Variants in SCN4A observed in about 807,000 individuals in gnomAD.
SCN4A encodes the protein sodium voltage-gated channel alpha subunit 4.
Under a neutral mutation model 162.0 loss-of-function variants are expected in SCN4A, and 83 were observed. The ratio of observed to expected loss-of-function variants is 0.51; its 90% CI spans 0.43 to 0.61. SCN4A has a LOEUF of 0.61. Ranked by LOEUF, SCN4A falls within the 20% of genes least tolerant of loss-of-function variation. SCN4A has a pLI of 0.00. For missense variants in SCN4A, 2,196 were observed against 2,462.5 expected, an observed-to-expected ratio of 0.89 and a Z score of 2.29; for synonymous variants, 944 against 985.1, an observed-to-expected ratio of 0.96 and a Z score of 0.78.
At chr17:63,953,679 C>CTGTCTTT (rs1392453516) in intron 13 of SCN4A, among the ~76,000 whole-genome samples, 44 of 142,308 alleles carry the variant, frequency 3.1e-4, no homozygotes, top group African/African-American at 1.2e-3. Flanking sequence ...GAGACCCTGC[C>CTGTCTTT]TTGAAGAAAA....
intron 22 of SCN4A, among the ~76,000 whole-genome samples, 182 bp from the exon 23 acceptor site, chr17:63,943,278 G>A (rs1908605837): frequency 6.6e-6 from 1 of 152,050 alleles, no homozygotes; most frequent in African/African-American, 2.4e-5. Context: ...GCCAGGGGAG[G>A]AGGGGTGACC....
Position 63,972,348 on chromosome 17 carries a change from A to T in SCN4A, c.392+4T>A. The T allele has an allele frequency of 6.2e-7, 1 of 1,612,490 alleles. No homozygotes were observed. Among genetic ancestry groups the T allele is most frequent in the Non-Finnish European group, 8.5e-7 (1 of 1,178,678 alleles). On this transcript the variant is annotated splice_donor_region_variant and intron_variant, in intron 2 of 23. Transcript: ENST00000435607. The surrounding 1 kb of genome is among the most constrained non-coding windows in gnomAD (Gnocchi z 4.3). The stretch of plus-strand genomic sequence containing the variant: ...TCCCGCCTCTCCCATCTTGGGCAGG[A>T]TATGCATGGATGAGCACCTTGATGG...
intron 14 of SCN4A, among the ~76,000 whole-genome samples, chr17:63,949,919 A>G (rs913634905): frequency 1.3e-5 from 2 of 152,086 alleles, no homozygotes; most frequent in Admixed American, 1.3e-4. Context: ...GAGCCAGGCT[A>G]TCACAGCCCT....
In SCN4A at chr17:63,944,006, GGA is replaced by G. The variant is rs1283641934; in HGVS notation, c.3913-158_3913-157del. Among the ~76,000 whole-genome samples, 1 of 152,154 alleles carries G rather than the reference GGA, an allele frequency of 6.6e-6. No individual in the cohort carries two copies. The highest frequency in any genetic ancestry group is 1.5e-5 in the Non-Finnish European group (1 of 68,032). ...GAGGGTCAGAGATGGAGGGACAAGGGGAGAATGCGGGACCGAGGAGAAGGGAG... is the reference window on the plus strand; with the variant it reads ...GAGGGTCAGAGATGGAGGGACAAGGGGAATGCGGGACCGAGGAGAAGGGAG... On this transcript the variant is annotated intron_variant, in intron 21 of 23. Coordinates refer to ENST00000435607, the MANE Select transcript of SCN4A (RefSeq NM_000334.4). This position sits in a 1 kb window ranked among gnomAD's most constrained non-coding sequence, Gnocchi z 4.3.
Position 63,939,845 on chromosome 17 carries a change from C to T in SCN4A, c.*926G>A, listed in dbSNP as rs1908463158. 1 of 152,056 alleles carries T rather than the reference C, an allele frequency of 6.6e-6. No individual in the cohort carries two copies. Among genetic ancestry groups the T allele is most frequent in the Non-Finnish European group, 1.5e-5 (1 of 68,052 alleles). 9.4% of individuals were successfully genotyped at this position (152,056 alleles called of 1,614,324 possible). On this transcript the variant is annotated 3_prime_UTR_variant, in exon 24 of 24. Transcript: ENST00000435607. ...TGAGGCTGGATGAGGCTCCTGGAGCCCTGGTGGTGCTCACGGAGGAGTGAG... is the reference window on the plus strand; with the variant it reads ...TGAGGCTGGATGAGGCTCCTGGAGCTCTGGTGGTGCTCACGGAGGAGTGAG...
Position 63,945,709 on chromosome 17 carries a change from CCCAGGGGA to C in SCN4A, c.3442-79_3442-72del. ...GAGAGGGCTCCACATCTCTACGCCACCCAGGGGACCAGGCAGAGCTGGGCATTGTCAAT... is the reference window on the plus strand; with the variant it reads ...GAGAGGGCTCCACATCTCTACGCCACCCAGGCAGAGCTGGGCATTGTCAAT... On this transcript the variant is annotated intron_variant, in intron 18 of 23. Coordinates refer to ENST00000435607, the MANE Select transcript of SCN4A (RefSeq NM_000334.4). This position sits in a 1 kb window ranked among gnomAD's most constrained non-coding sequence, Gnocchi z 4.4. 1 of 1,546,044 alleles carries C rather than the reference CCCAGGGGA, an allele frequency of 6.5e-7. No homozygotes were observed. The highest frequency in any genetic ancestry group is 8.9e-7 in the Non-Finnish European group (1 of 1,124,418).
At chr17:63,954,980 G>A (rs530779000) in intron 13 of SCN4A, among the ~76,000 whole-genome samples, 2 of 152,276 alleles carry the variant, frequency 1.3e-5, no homozygotes, top group African/African-American at 4.8e-5. Flanking sequence ...GAACCAGCGC[G>A]CCCCTCACAG....
At position 63,957,626 on chromosome 17, in the gene SCN4A, C is replaced by G. The variant is rs1909113520; in HGVS notation, c.2020-108G>C. On this transcript the variant is annotated intron_variant, in intron 12 of 23. Coordinates refer to ENST00000435607, the MANE Select transcript of SCN4A (RefSeq NM_000334.4). The stretch of plus-strand genomic sequence containing the variant: ...TCGAGTAGCTTGAATCTCCAGCCCC[C>G]CACACCATCTGAGTCCTCAGTGTGC... 15 of 706,882 alleles carry G rather than the reference C, an allele frequency of 2.1e-5. No homozygotes were observed. The South Asian group carries it at 2.5e-4, about 12-fold the overall frequency. The allele number at this position is 706,882 out of a possible 1,614,324, so 43.8% of individuals were successfully genotyped here.
intron 8 of SCN4A, among the ~76,000 whole-genome samples, chr17:63,965,543 C>G (rs1308210140): frequency 6.6e-6 from 1 of 152,090 alleles, no homozygotes; most frequent in Non-Finnish European, 1.5e-5. Flanking sequence ...GGCTGGAGTG[C>G]AATGGCGTGG....
chr17:63,940,816 G>C lies in SCN4A; in HGVS notation c.5466C>G (p.Pro1822=), dbSNP rs770485373. Reference sequence around the variant, plus strand: ...CACCTGGGCGCACAGTCTGCCCTGGGGGAGGGGCGGGAGGCCAGGCAGTGT... The same window carrying C: ...CACCTGGGCGCACAGTCTGCCCTGGCGGAGGGGCGGGAGGCCAGGCAGTGT... ...PSDTAWPPAP[P]PGQTVRPGVK... Residue 1822 remains proline, a synonymous_variant, in exon 24 of 24, where the codon CCC becomes CCG. Coordinates refer to ENST00000435607, the MANE Select transcript of SCN4A (RefSeq NM_000334.4). The C allele has an allele frequency of 1.2e-6, 2 of 1,603,542 alleles. No individual in the cohort carries two copies. The highest frequency in any genetic ancestry group is 1.7e-6 in the Non-Finnish European group (2 of 1,173,424).
At chr17:63,964,437 G>A in intron 9 of SCN4A, 31 bp downstream of exon 9, 1 of 1,601,172 alleles carries the variant, frequency 6.2e-7, no homozygotes, top group Non-Finnish European at 8.6e-7. Context: ...TAGAACCCTG[G>A]GTCCTCTATC....
chr17:63,957,872 G>T (rs935723693), intron 12 of SCN4A, among the ~76,000 whole-genome samples: 1 of 152,010 alleles, frequency 6.6e-6, no homozygotes, highest in Non-Finnish European at 1.5e-5. Flanking sequence ...GGGCATGGTG[G>T]CGAGTGCCTG....
chr17:63,963,819 C>T lies in SCN4A; in HGVS notation c.1459G>A (p.Ala487Thr). 1 of 1,599,816 alleles carries T rather than the reference C, an allele frequency of 6.3e-7. No individual in the cohort carries two copies. Among genetic ancestry groups the T allele is most frequent in the Non-Finnish European group, 8.5e-7 (1 of 1,173,494 alleles). ...KHQEELEKAK[A>T]AQALEGGEAD... The stretch of plus-strand genomic sequence containing the variant: ...TCCCCACCTTCCAGAGCTTGGGCGG[C>T]CTTGGCCTGTAGACCAGCAAGAGTG... The change falls in exon 10 of 24, where the codon GCC becomes ACC. Residue 487 changes from alanine to threonine, a missense_variant. Transcript: ENST00000435607.
In SCN4A at chr17:63,950,740, C is replaced by T. The variant is rs1161826118; in HGVS notation, c.2853+684G>A. 6.6e-6 allele frequency among the ~76,000 whole-genome samples: 1 copy of T among 152,162 alleles called. No individual in the cohort carries two copies. The highest frequency in any genetic ancestry group is 1.5e-5 in the Non-Finnish European group (1 of 68,020). On this transcript the variant is annotated intron_variant, in intron 14 of 23. Coordinates refer to ENST00000435607, the MANE Select transcript of SCN4A (RefSeq NM_000334.4). The surrounding 1 kb of genome is among the most constrained non-coding windows in gnomAD (Gnocchi z 4.6). ...GGCTCAAGACCCAGGCAGGGTCAGC[C>T]TCAGCCTCAGCCTCAGCTGCTGGGG...
intron 13 of SCN4A, among the ~76,000 whole-genome samples, chr17:63,952,202 T>C (rs1343468266): frequency 6.6e-6 from 1 of 151,648 alleles, no homozygotes; most frequent in Non-Finnish European, 1.5e-5. Flanking sequence ...TTTTTTCTTT[T>C]TTTTTTTTCG....
Position 63,964,661 on chromosome 17 carries a change from C to A in SCN4A, c.1259G>T (p.Gly420Val). 1 of 1,607,924 alleles carries A rather than the reference C, an allele frequency of 6.2e-7. No individual in the cohort carries two copies. The highest frequency in any genetic ancestry group is 8.5e-7 in the Non-Finnish European group (1 of 1,177,716). The change falls in exon 9 of 24, where the codon GGC becomes GTC. Residue 420 changes from glycine to valine, a missense_variant. By Grantham distance (109) the Gly-to-Val change is moderately radical. Transcript: ENST00000435607. ...NLFQLTLRAAGKTYMIFFVVI... is the reference protein window; with the variant it reads ...NLFQLTLRAAVKTYMIFFVVI... Reference sequence around the variant, plus strand: ...CACGAAGAAGATCATGTAGGTCTTGCCAGCTGCTCGAAGGGTCTGGGAGTG... The same window carrying A: ...CACGAAGAAGATCATGTAGGTCTTGACAGCTGCTCGAAGGGTCTGGGAGTG...
chr17:63,954,991 G>A lies in SCN4A; in HGVS notation c.2376+2171C>T, dbSNP rs544077659. On this transcript the variant is annotated intron_variant, in intron 13 of 23. Coordinates refer to ENST00000435607, the MANE Select transcript of SCN4A (RefSeq NM_000334.4). ...ACATGAACCAGCGCGCCCCTCACAG[G>A]TGGGCGTGAGGATGAGGTGAAATGA... Among the ~76,000 whole-genome samples, 57 of 152,334 alleles carry A rather than the reference G, an allele frequency of 3.7e-4. 1 individual carries two copies. In the South Asian group the frequency reaches 5.8e-3, roughly 16 times the overall value.
In SCN4A at chr17:63,944,296, C is replaced by A. The variant is rs997527300; in HGVS notation, c.3912+377G>T. ...CTGGGATTACAGATGCCTGCCACCA[C>A]GCCTGGCTAATTTCTTTTTTTAATT... On this transcript the variant is annotated intron_variant, in intron 21 of 23. Coordinates refer to ENST00000435607, the MANE Select transcript of SCN4A (RefSeq NM_000334.4). This position sits in a 1 kb window ranked among gnomAD's most constrained non-coding sequence, Gnocchi z 4.3. 6.6e-6 allele frequency among the ~76,000 whole-genome samples: 1 copy of A among 152,098 alleles called. No homozygotes were observed. Among genetic ancestry groups the A allele is most frequent in the Admixed American group, 6.5e-5 (1 of 15,274 alleles).
chr17:63,963,592 A>G (rs1027933220), intron 10 of SCN4A, 80 bp downstream of exon 10: 7 of 1,417,970 alleles, frequency 4.9e-6, no homozygotes, highest in Middle Eastern at 2.6e-4. Flanking sequence ...CTCACCTTCC[A>G]TGGCATCCCT....
Sources: gnomAD v4.1 joint callset for allele counts (sites outside exome capture counted in the v4.1 genomes callset) on GRCh38, gnomAD v4.1.1 for gene constraint, Gnocchi (gnomAD v3.1) non-coding constraint, MANE v1.5 for transcripts, NCBI Gene and HGNC (gene_info 2026-07-23, HGNC 2026-07-21) for gene names.